GRIN2A: variants seen among roughly 807,000 people sequenced by gnomAD.
GRIN2A encodes the protein glutamate ionotropic receptor NMDA type subunit 2A.
GRIN2A carries 22 observed loss-of-function variants against 113.4 expected under a neutral mutation model. That is an observed-to-expected ratio of 0.19 (90% CI 0.14 to 0.28). The LOEUF is 0.28. Among genes scored for constraint, GRIN2A ranks in the 10% least tolerant of loss-of-function variants. GRIN2A has a pLI of 1.00. For missense variants in GRIN2A, 1,502 were observed against 1,887.0 expected (o/e 0.80, Z 3.78); for synonymous variants, 827 against 738.4 (o/e 1.12, Z -1.94).
At chr16:10,104,023 T>A (rs1207118418) in intron 2 of GRIN2A, among the ~76,000 whole-genome samples, 1 of 152,192 alleles carries the variant, frequency 6.6e-6, no homozygotes, top group Non-Finnish European at 1.5e-5. Context: ...TTTATCAATG[T>A]CCTTCTTAAA....
intron 11 of GRIN2A, among the ~76,000 whole-genome samples, chr16:9,771,665 A>T (rs563292098): frequency 2.7e-5 from 4 of 148,692 alleles, no homozygotes; most frequent in Non-Finnish European, 5.9e-5. Flanking sequence ...ACCATGAGCT[A>T]ATCTTCTGCA....
chr16:10,171,991 A>G (rs1368916088), intron 2 of GRIN2A, among the ~76,000 whole-genome samples: 1 of 152,240 alleles, frequency 6.6e-6, no homozygotes, highest in Non-Finnish European at 1.5e-5. Context: ...TAACCACTTG[A>G]TAATGACATT....
chr16:9,954,726 T>C (rs7192121), intron 2 of GRIN2A, among the ~76,000 whole-genome samples: 16,701 of 151,946 alleles, frequency 0.11, 1,108 homozygotes, highest in African/African-American at 0.17. Context: ...AACAAAAAGG[T>C]TGGGATTTTA....
At chr16:10,112,695 G>C in intron 2 of GRIN2A, 1 of 750,386 alleles carries the variant, frequency 1.3e-6, no homozygotes, top group South Asian at 1.3e-5. Context: ...GGTGAATATT[G>C]TGCAGGGTGT....
chr16:9,927,110 T>G (rs1192416497), intron 3 of GRIN2A, among the ~76,000 whole-genome samples: 1 of 152,228 alleles, frequency 6.6e-6, no homozygotes, highest in Non-Finnish European at 1.5e-5. Flanking sequence ...TGAATCATGA[T>G]TTTTAATTGA....
At chr16:9,850,872 G>C (rs1173800387) in intron 4 of GRIN2A, among the ~76,000 whole-genome samples, 1 of 152,082 alleles carries the variant, frequency 6.6e-6, no homozygotes, top group Non-Finnish European at 1.5e-5. Flanking sequence ...CAGCTTATTG[G>C]CGCTATTCAC....
At chr16:10,128,279 C>T (rs138491410) in intron 2 of GRIN2A, among the ~76,000 whole-genome samples, 5 of 152,208 alleles carry the variant, frequency 3.3e-5, no homozygotes, top group African/African-American at 9.6e-5. Context: ...CAGCTTGCAG[C>T]GAGTTTTGTG....
At chr16:9,956,278 T>C (rs1401896214) in intron 2 of GRIN2A, among the ~76,000 whole-genome samples, 1 of 152,220 alleles carries the variant, frequency 6.6e-6, no homozygotes, top group Non-Finnish European at 1.5e-5. Context: ...TTTAAACCTC[T>C]ACCTATAAGC....
intron 10 of GRIN2A, among the ~76,000 whole-genome samples, chr16:9,812,211 G>T (rs2042100398): frequency 6.6e-6 from 1 of 152,128 alleles, no homozygotes; most frequent in African/African-American, 2.4e-5. Context: ...TTTCCTCAAA[G>T]GTGGATGAAA....
At chr16:10,161,748 G>A (rs2049813842) in intron 2 of GRIN2A, among the ~76,000 whole-genome samples, 1 of 152,170 alleles carries the variant, frequency 6.6e-6, no homozygotes, top group Admixed American at 6.5e-5. Context: ...CCTTCCAGAG[G>A]CCCTAGAGGA....
At chr16:9,838,995 C>T (rs1018330777) in intron 7 of GRIN2A, among the ~76,000 whole-genome samples, 2 of 152,168 alleles carry the variant, frequency 1.3e-5, no homozygotes, top group Non-Finnish European at 1.5e-5. Flanking sequence ...GCCCAGACTT[C>T]ACCACTATAT....
chr16:10,003,299 A>G (rs906452782), intron 2 of GRIN2A, among the ~76,000 whole-genome samples: 1 of 152,110 alleles, frequency 6.6e-6, no homozygotes, highest in Admixed American at 6.5e-5. Context: ...AAAGAGAAAA[A>G]CCCATGTGGA....
chr16:9,896,426 C>T (rs925156879), intron 3 of GRIN2A, among the ~76,000 whole-genome samples: 1 of 152,224 alleles, frequency 6.6e-6, no homozygotes, highest in African/African-American at 2.4e-5. Context: ...AAATCTCCTT[C>T]TTTAATTTCC....
chr16:10,074,905 G>T (rs189585509), intron 2 of GRIN2A, among the ~76,000 whole-genome samples: 1 of 152,136 alleles, frequency 6.6e-6, no homozygotes, highest in East Asian at 1.9e-4. Flanking sequence ...ACATTTAAAC[G>T]TAAGACTAGG....
At chr16:10,102,546 C>A (rs1387903729) in intron 2 of GRIN2A, among the ~76,000 whole-genome samples, 1 of 151,388 alleles carries the variant, frequency 6.6e-6, no homozygotes, top group Non-Finnish European at 1.5e-5. Context: ...TCTTTTTTTT[C>A]TTTTCTTTTT....
chr16:10,153,866 A>T (rs1445251579), intron 2 of GRIN2A, among the ~76,000 whole-genome samples: 1 of 152,186 alleles, frequency 6.6e-6, no homozygotes, highest in Non-Finnish European at 1.5e-5. Flanking sequence ...CACCTACTTC[A>T]TGTCAAACCC....
In GRIN2A at chr16:9,921,480, C is replaced by T. The variant is rs547926545; in HGVS notation, c.1007+16479G>A. On this transcript the variant is annotated intron_variant, in intron 3 of 12. Coordinates refer to ENST00000330684, the MANE Select transcript of GRIN2A (RefSeq NM_001134407.3). ...ACTGATCCTACCACTAACTGAGCCT[C>T]GGAAGGTCATTCTTCTCTCTGAAAT... Among the ~76,000 whole-genome samples, 174 of 152,226 alleles carry T rather than the reference C, an allele frequency of 1.1e-3. 1 individual carries two copies. The highest frequency in any genetic ancestry group is 4.1e-3 in the African/African-American group (169 of 41,522).
At chr16:10,143,748 T>C (rs1049359348) in intron 2 of GRIN2A, among the ~76,000 whole-genome samples, 7 of 152,094 alleles carry the variant, frequency 4.6e-5, no homozygotes, top group Non-Finnish European at 8.8e-5. Context: ...GTGGATCTCT[T>C]GAGCCCAGGA....
At chr16:9,784,785 T>C (rs903131393) in intron 11 of GRIN2A, among the ~76,000 whole-genome samples, 3 of 152,070 alleles carry the variant, frequency 2.0e-5, no homozygotes, top group Non-Finnish European at 4.4e-5. Context: ...GTGAAGCATA[T>C]GAACAGACAC....
Sources: allele counts gnomAD v4.1 joint callset (sites outside exome capture counted in the v4.1 genomes callset), GRCh38; gene constraint gnomAD v4.1.1; transcripts MANE v1.5; gene names NCBI Gene and HGNC (gene_info 2026-07-23, HGNC 2026-07-21).